SNX25: variants seen among roughly 807,000 people sequenced by gnomAD.
SNX25 encodes the protein sorting nexin-25.
Under a neutral mutation model 113.7 loss-of-function variants are expected in SNX25, and 62 were observed. That is an observed-to-expected ratio of 0.55 (90% CI 0.44 to 0.67). The LOEUF (loss-of-function observed/expected upper bound fraction) is 0.67. Among genes scored for constraint, SNX25 ranks in the 30% least tolerant of loss-of-function variants. The pLI, the probability that SNX25 is intolerant of heterozygous loss-of-function variation, is 0.00. For missense variants in SNX25, 1,014 were observed against 1,161.0 expected, an observed-to-expected ratio of 0.87 and a Z score of 1.84; for synonymous variants, 421 against 436.2, an observed-to-expected ratio of 0.97 and a Z score of 0.43.
chr4:185,346,722 G>A (rs2095288786), intron 13 of SNX25, 72 bp downstream of exon 13: 3 of 965,550 alleles, frequency 3.1e-6, no homozygotes, highest in Admixed American at 2.9e-5. Context: ...ATCATTCTAC[G>A]AGCTTGGTAG....
the SNX25 span, chr4:185,376,850 G>T: frequency 8.2e-7 from 1 of 1,216,086 alleles, no homozygotes; most frequent in Non-Finnish European, 1.2e-6. Flanking sequence ...TGAAATTTTT[G>T]TCTGAGGATC....
intron 5 of SNX25, among the ~76,000 whole-genome samples, chr4:185,268,321 A>G (rs577214960): frequency 3.2e-4 from 48 of 152,316 alleles, no homozygotes; most frequent in African/African-American, 1.1e-3. Flanking sequence ...TTATTTTGAG[A>G]AAACACATTT....
chr4:185,268,857 G>A (rs377384776), intron 5 of SNX25, among the ~76,000 whole-genome samples: 7 of 151,920 alleles, frequency 4.6e-5, no homozygotes, highest in Admixed American at 2.0e-4. Context: ...ACATAATGAC[G>A]GGTTCAATTT....
At chr4:185,307,118 A>G (rs997575230) in intron 6 of SNX25, among the ~76,000 whole-genome samples, 2 of 152,158 alleles carry the variant, frequency 1.3e-5, no homozygotes, top group Non-Finnish European at 1.5e-5. Flanking sequence ...ATAAAAACGT[A>G]TTATGGTGCT....
At chr4:185,341,674 T>C (rs771283607) in intron 11 of SNX25, among the ~76,000 whole-genome samples, 1 of 152,246 alleles carries the variant, frequency 6.6e-6, no homozygotes, top group African/African-American at 2.4e-5. Flanking sequence ...AACTGAGATA[T>C]CTGTTTTCTT....
intron 6 of SNX25, among the ~76,000 whole-genome samples, chr4:185,310,141 A>C (rs193190223): frequency 6.6e-6 from 1 of 152,324 alleles, no homozygotes; most frequent in African/African-American, 2.4e-5. Context: ...GTTCAGTGGT[A>C]TCTGCATGTT....
At chr4:185,251,121 A>G (rs968696368) in intron 2 of SNX25, among the ~76,000 whole-genome samples, 1 of 151,924 alleles carries the variant, frequency 6.6e-6, no homozygotes, top group African/African-American at 2.4e-5. Context: ...CAGCCTCCCA[A>G]GTAGCTGAGA....
downstream of SNX25, chr4:185,367,171 C>T (rs1432834071): frequency 6.2e-7 from 1 of 1,608,820 alleles, no homozygotes; most frequent in South Asian, 1.1e-5. Context: ...TGTTGAAATA[C>T]ATTGTGGTCT....
At chr4:185,346,507 A>G (rs754475322) in intron 12 of SNX25, 30 bp from the exon 13 acceptor site, 11 of 1,353,568 alleles carry the variant, frequency 8.1e-6, no homozygotes, top group African/African-American at 2.9e-5. Flanking sequence ...TAATTTCAAA[A>G]TACTAACATT....
intron 1 of SNX25, among the ~76,000 whole-genome samples, chr4:185,240,192 C>T (rs1314287697): frequency 2.6e-5 from 4 of 152,034 alleles, no homozygotes; most frequent in Non-Finnish European, 4.4e-5. Flanking sequence ...GGCAACCATC[C>T]GATTTCTCAG....
intron 1 of SNX25, among the ~76,000 whole-genome samples, chr4:185,213,473 A>G: frequency 6.6e-6 from 1 of 152,232 alleles, no homozygotes; most frequent in Non-Finnish European, 1.5e-5. Flanking sequence ...ATCCCAGTTT[A>G]GAAAAACTTG....
In SNX25 at chr4:185,239,118, A is replaced by G. The variant is rs188375362; in HGVS notation, c.430-8176A>G. 1.1e-4 allele frequency among the ~76,000 whole-genome samples: 17 copies of G among 152,284 alleles called. No homozygotes were observed. In the East Asian group the frequency reaches 1.5e-3, roughly 14 times the overall value. ...TCTGGAGTAAACAGAAAGCTGATAT[A>G]TATTCAGAAAAGGGTTTATTGATAA... On this transcript the variant is annotated intron_variant, in intron 1 of 18. Transcript: ENST00000652585.
At chr4:185,264,129 C>A (rs904687629) in intron 3 of SNX25, among the ~76,000 whole-genome samples, 3 of 152,132 alleles carry the variant, frequency 2.0e-5, no homozygotes, top group Non-Finnish European at 2.9e-5. Context: ...ATCTAGAAGA[C>A]TTAAAAATTA....
chr4:185,328,606 G>A (rs1442462372), intron 9 of SNX25, among the ~76,000 whole-genome samples: 1 of 152,050 alleles, frequency 6.6e-6, no homozygotes, highest in Non-Finnish European at 1.5e-5. Flanking sequence ...GAGGGTGGAG[G>A]TTAGAATTAT....
At chr4:185,283,500 A>G (rs1750936778) in intron 5 of SNX25, among the ~76,000 whole-genome samples, 2 of 152,244 alleles carry the variant, frequency 1.3e-5, no homozygotes, top group Non-Finnish European at 2.9e-5. Context: ...GGTTTGGCAG[A>G]AACAGTATGC....
At chr4:185,365,982 C>T (rs1279827407), downstream of SNX25, 1 of 152,130 alleles carries the variant, frequency 6.6e-6, no homozygotes, top group African/African-American at 2.4e-5. Context: ...ACTATCACCT[C>T]CATATTAATT....
At chr4:185,337,885 T>C (rs2095239949) in intron 10 of SNX25, among the ~76,000 whole-genome samples, 1 of 152,216 alleles carries the variant, frequency 6.6e-6, no homozygotes, top group South Asian at 2.1e-4. Context: ...AGGTGGTATC[T>C]TATTTTGGTT....
intron 1 of SNX25, among the ~76,000 whole-genome samples, chr4:185,226,045 A>C (rs1740946969): frequency 6.6e-6 from 1 of 152,192 alleles, no homozygotes; most frequent in South Asian, 2.1e-4. Context: ...ATGATGTCAC[A>C]GCTGTCCCTT....
At position 185,353,952 on chromosome 4, in the gene SNX25, G is replaced by A. The variant is rs559513086; in HGVS notation, c.2584+350G>A. On this transcript the variant is annotated intron_variant, in intron 15 of 18. Coordinates refer to ENST00000652585, the MANE Select transcript of SNX25 (RefSeq NM_001378034.2). ...CCAGCTACTTGGGAAGCTGAGGTGGGAGAATTGCTTGAACCCAGGAGGTGG... is the reference window on the plus strand; with the variant it reads ...CCAGCTACTTGGGAAGCTGAGGTGGAAGAATTGCTTGAACCCAGGAGGTGG... Among the ~76,000 whole-genome samples, 11 of 151,934 alleles carry A rather than the reference G, an allele frequency of 7.2e-5. No individual in the cohort carries two copies. The East Asian group carries it at 1.7e-3, about 24-fold the overall frequency.
Sources: gnomAD v4.1 joint callset for allele counts (sites outside exome capture counted in the v4.1 genomes callset) on GRCh38, gnomAD v4.1.1 for gene constraint, MANE v1.5 for transcripts, NCBI Gene and HGNC (gene_info 2026-07-23, HGNC 2026-07-21) for gene names.